The following IKZF4 variants were observed in gnomAD, a reference collection of about 807,000 sequenced individuals.
IKZF4 encodes IKAROS family zinc finger 4, also known as zinc finger protein Eos.
A neutral mutation model predicts 47.7 loss-of-function variants in IKZF4; 11 were observed. That is an observed-to-expected ratio of 0.23 (90% CI 0.15 to 0.38). The LOEUF (loss-of-function observed/expected upper bound fraction) is 0.38. Ranked by LOEUF, IKZF4 falls within the 10% of genes least tolerant of loss-of-function variation. The pLI, the probability that IKZF4 is intolerant of heterozygous loss-of-function variation, is 1.00. For missense variants in IKZF4, 557 were observed against 784.9 expected (o/e 0.71, Z 3.47); for synonymous variants, 298 against 299.4 (o/e 1.00, Z 0.05).
At position 56,012,923 on chromosome 12, in the gene IKZF4, G is replaced by A. The variant is rs145404388; in HGVS notation, c.-214+1429G>A. Among the ~76,000 whole-genome samples, 173 of 152,264 alleles carry A rather than the reference G, an allele frequency of 1.1e-3. No individual in the cohort carries two copies. In the South Asian group the frequency reaches 0.016, roughly 14 times the overall value. On this transcript the variant is annotated intron_variant, in intron 2 of 11. Transcript: ENST00000262032. ...TGCTTGAGGCCAAGAGTTTGAGGCT[G>A]TAGTGTGCTGTGATTGTGCCCATGA...
intron 1 of IKZF4, among the ~76,000 whole-genome samples, chr12:56,009,134 G>A (rs1400355615): frequency 6.6e-6 from 1 of 152,056 alleles, no homozygotes; most frequent in African/African-American, 2.4e-5. Flanking sequence ...TGGTGGGCAT[G>A]GTATGTTCCT....
intron 5 of IKZF4, among the ~76,000 whole-genome samples, chr12:56,031,438 C>G (rs774715221): frequency 6.6e-6 from 1 of 152,082 alleles, no homozygotes. Context: ...TCATTCCTCT[C>G]CCAGATGTTA....
chr12:56,027,868 G>T lies in IKZF4; in HGVS notation c.636G>T (p.Glu212Asp). ...GCCACATCAAGCTGCACTCTGGGGA[G>T]AAGCCCTTTAAATGTCCCTTCTGCA... ...LLRHIKLHSGEKPFKCPFCNY... is the reference protein window; with the variant it reads ...LLRHIKLHSGDKPFKCPFCNY... The change falls in exon 5 of 8, where the codon GAG (glutamate) becomes GAT (aspartate). Residue 212 changes from glutamate (E) to aspartate (D), a missense_variant. This residue lies in a region of IKZF4 where 27 missense variants were observed against 85.4 expected (regional missense o/e 0.32). Transcript: ENST00000547167. 1 of 1,611,432 alleles carries T rather than the reference G, an allele frequency of 6.2e-7. No homozygotes were observed. The highest frequency in any genetic ancestry group is 1.3e-5 in the African/African-American group (1 of 74,966).
Position 56,034,810 on chromosome 12 carries a change from C to T in IKZF4, c.1237C>T (p.Leu413=). 1 of 1,614,042 alleles carries T rather than the reference C, an allele frequency of 6.2e-7. No individual in the cohort carries two copies. Among genetic ancestry groups the T allele is most frequent in the South Asian group, 1.1e-5 (1 of 91,092 alleles). The change falls in exon 8 of 8, where the codon CTG becomes TTG. Residue 413 remains leucine, a synonymous_variant. Coordinates refer to ENST00000547167, the MANE Select transcript of IKZF4 (RefSeq NM_022465.4). Reference sequence around the variant, plus strand: ...CCAGATGCAGCCCCTCCCTGGTCGACTGGAGCTTCCAGGATCCCGAGAAGC... The same window carrying T: ...CCAGATGCAGCCCCTCCCTGGTCGATTGGAGCTTCCAGGATCCCGAGAAGC... The part of the protein sequence containing the change: ...YTQMQPLPGR[L]ELPGSREAGE...
At chr12:56,027,970 G>A (rs1894284647) in intron 5 of IKZF4, 23 bp downstream of exon 5, 2 of 1,529,330 alleles carry the variant, frequency 1.3e-6, no homozygotes, top group Non-Finnish European at 1.8e-6. Context: ...CCAGTGGGAG[G>A]AGGGAATGAG....
chr12:56,021,539 C>G lies in IKZF4; in HGVS notation c.46C>G (p.Arg16Gly), dbSNP rs192256726. 52 of 1,609,328 alleles carry G rather than the reference C, an allele frequency of 3.2e-5. No homozygotes were observed. The East Asian group carries it at 8.5e-4, about 26-fold the overall frequency. The change falls in exon 1 of 8, where the codon CGC (arginine) becomes GGC (glycine). Residue 16 changes from arginine to glycine, a missense_variant. Physicochemically the swap from Arg to Gly is moderately radical, Grantham distance 125 (BLOSUM62 -2). Coordinates refer to ENST00000547167, the MANE Select transcript of IKZF4 (RefSeq NM_022465.4). ...ALPRRFQGGG[R>G]VRTPGSHRQG... is the part of the protein sequence containing the mutation. ...CCCTCGCCGTTTCCAAGGCGGCGGC[C>G]GCGTTCGCACCCCAGGGTCTCACCG...
chr12:56,024,885 C>A, intron 2 of IKZF4, 169 bp from the exon 3 acceptor site: 1 of 1,495,168 alleles, frequency 6.7e-7, no homozygotes. Flanking sequence ...CACCAGGCAT[C>A]CAGACTGGCG....
intron 1 of IKZF4, chr12:56,010,475 G>A (rs935601079): frequency 6.6e-6 from 1 of 152,002 alleles, no homozygotes; most frequent in Non-Finnish European, 1.5e-5. Context: ...TTTTCCTCAG[G>A]TCCATTATCT....
chr12:56,027,671 G>A (rs1894248679), intron 4 of IKZF4, 109 bp from the exon 5 acceptor site: 1 of 1,067,810 alleles, frequency 9.4e-7, no homozygotes, highest in African/African-American at 1.6e-5. Flanking sequence ...CGTCAGCAAT[G>A]TGTTCAGAGC....
upstream of IKZF4, chr12:56,018,051 C>G: frequency 1.0e-6 from 1 of 1,001,490 alleles, no homozygotes; most frequent in South Asian, 1.3e-5. Context: ...TTCTTGCTAA[C>G]TCAAGAATAT....
chr12:56,035,063 A>G lies in IKZF4; in HGVS notation c.1490A>G (p.Glu497Gly). 2 of 1,583,814 alleles carry G rather than the reference A, an allele frequency of 1.3e-6. No individual in the cohort carries two copies. The highest frequency in any genetic ancestry group is 1.7e-6 in the Non-Finnish European group (2 of 1,164,602). The change falls in exon 8 of 8, where the codon GAG becomes GGG. Residue 497 changes from glutamate to glycine, a missense_variant. Physicochemically the swap from Glu to Gly is moderately conservative, Grantham distance 98 (BLOSUM62 -2). Around this residue, in one of 6 missense-constraint regions of IKZF4, gnomAD observed 280 missense variants for 314.0 expected, o/e 0.89. Coordinates refer to ENST00000547167, the MANE Select transcript of IKZF4 (RefSeq NM_022465.4). This position sits in a 1 kb window ranked among gnomAD's most constrained non-coding sequence, Gnocchi z 6.1. ...VGRHSPAYAKEDPKPQEGLLR... is the reference protein window; with the variant it reads ...VGRHSPAYAKGDPKPQEGLLR... ...CGGCACAGTCCTGCCTACGCCAAAG[A>G]GGACCCCAAGCCACAGGAGGGGTTA...
At chr12:56,020,640 G>A (rs1034193271), upstream of IKZF4, among the ~76,000 whole-genome samples, 22 of 152,172 alleles carry the variant, frequency 1.4e-4, no homozygotes, top group African/African-American at 4.8e-4. Context: ...GATAGAGGGC[G>A]GATTCATCCA....
At chr12:56,014,086 G>A (rs1891688164) in intron 2 of IKZF4, among the ~76,000 whole-genome samples, 1 of 151,914 alleles carries the variant, frequency 6.6e-6, no homozygotes. Flanking sequence ...GGGATGCAGA[G>A]GTTGCAGTGA....
chr12:56,029,715 C>T (rs564000850), intron 5 of IKZF4: 1 of 152,292 alleles, frequency 6.6e-6, no homozygotes, highest in South Asian at 2.1e-4. Flanking sequence ...ATCCTCATAA[C>T]AATTCCAAGG....
At chr12:56,023,989 C>T in intron 2 of IKZF4, 1 of 876,734 alleles carries the variant, frequency 1.1e-6, no homozygotes. Flanking sequence ...TATGTATCTA[C>T]ATATGTGTTG....
At chr12:56,010,005 TA>T (rs1891150073) in intron 1 of IKZF4, 1 of 151,566 alleles carries the variant, frequency 6.6e-6, no homozygotes, top group African/African-American at 2.4e-5. Context: ...ACAAAGGAAT[TA>T]TTTTTTTTCC....
At chr12:56,016,476 C>T, upstream of IKZF4, among the ~76,000 whole-genome samples, 1 of 147,252 alleles carries the variant, frequency 6.8e-6, no homozygotes, top group Admixed American at 6.8e-5. Flanking sequence ...GGCTGGAGTG[C>T]AGTGGCAGGA....
intron 3 of IKZF4, among the ~76,000 whole-genome samples, chr12:56,026,378 A>G (rs1893992935): frequency 6.6e-6 from 1 of 152,036 alleles, no homozygotes; most frequent in African/African-American, 2.4e-5. Context: ...GCCTAAAGAC[A>G]CCCTCTTAAA....
chr12:56,029,722 A>C (rs1159950259), intron 5 of IKZF4: 1 of 152,186 alleles, frequency 6.6e-6, no homozygotes. Context: ...TAACAATTCC[A>C]AGGTAGATGT....
Sources: gnomAD v4.1 joint callset for allele counts (sites outside exome capture counted in the v4.1 genomes callset) on GRCh38, gnomAD v4.1.1 for gene constraint, gnomAD v4.1.1 regional missense constraint, Gnocchi (gnomAD v3.1) non-coding constraint, MANE v1.5 for transcripts, NCBI Gene and HGNC (gene_info 2026-07-23, HGNC 2026-07-21) for gene names.